Variants in C9orf72 observed in about 807,000 individuals in gnomAD.
C9orf72 encodes guanine nucleotide exchange factor C9orf72.
C9orf72 carries 44 observed loss-of-function variants against 51.6 expected under a neutral mutation model. That is an observed-to-expected ratio of 0.85 (90% confidence interval 0.67 to 1.10). The LOEUF (loss-of-function observed/expected upper bound fraction) is 1.10, where lower values mean the gene tolerates loss of function less well. Among genes scored for constraint, C9orf72 ranks in the 50% least tolerant of loss-of-function variants. The pLI, the probability that C9orf72 is intolerant of heterozygous loss-of-function variation, is 0.00. For synonymous variants in C9orf72, 213 were observed against 194.2 expected, an observed-to-expected ratio of 1.10 and a Z score of -0.81; for missense variants, 607 against 570.6, an observed-to-expected ratio of 1.06 and a Z score of -0.65.
At position 27,547,933 on chromosome 9, in the gene C9orf72, AC is replaced by A. The variant is rs1820803725; in HGVS notation, c.*302del. 2 of 187,204 alleles carry A rather than the reference AC, an allele frequency of 1.1e-5. No individual in the cohort carries two copies. The highest frequency in any genetic ancestry group is 2.3e-5 in the African/African-American group (1 of 42,870). The allele number at this position is 187,204 out of a possible 1,614,324, so 11.6% of individuals were successfully genotyped here. ...ACCATGAATCATGTATTTCAAAAAA[AC>A]AGTAGTTGTGGTCAAGTTTACATCC... On this transcript the variant is annotated 3_prime_UTR_variant, in exon 11 of 11. Transcript: ENST00000380003.
Position 27,547,495 on chromosome 9 carries a change from T to C in C9orf72, c.*741A>G, listed in dbSNP as rs1820792551. On this transcript the variant is annotated 3_prime_UTR_variant, in exon 11 of 11. Coordinates refer to ENST00000380003, the MANE Select transcript of C9orf72 (RefSeq NM_018325.5). Reference sequence around the variant, plus strand: ...AATAATGAAAATTAATTTAAAAAGTTGGCAACAATTACTAAAACATAAAAT... The same window carrying C: ...AATAATGAAAATTAATTTAAAAAGTCGGCAACAATTACTAAAACATAAAAT... The C allele has an allele frequency of 6.6e-6, 1 of 152,650 alleles. No homozygotes were observed. Among genetic ancestry groups the C allele is most frequent in the Non-Finnish European group, 1.5e-5 (1 of 68,028 alleles). 9.5% of individuals were successfully genotyped at this position (152,650 alleles called of 1,614,324 possible). A position where few individuals can be genotyped will look rare whatever the true frequency, so the allele number is the denominator to read the frequency against.
chr9:27,561,806 A>G (rs1005403631), intron 4 of C9orf72, among the ~76,000 whole-genome samples, 157 bp from the exon 5 acceptor site: 3 of 152,154 alleles, frequency 2.0e-5, no homozygotes, highest in Admixed American at 6.6e-5. Flanking sequence ...TCTGTGCACT[A>G]CCATAAACTT....
At chr9:27,555,628 A>AT (rs1299898295) in intron 8 of C9orf72, among the ~76,000 whole-genome samples, 2 of 150,644 alleles carry the variant, frequency 1.3e-5, no homozygotes, top group East Asian at 1.9e-4. Context: ...CTGGCACATC[A>AT]TAACTCCCTG....
At chr9:27,570,431 T>A (rs1819560091) in intron 1 of C9orf72, among the ~76,000 whole-genome samples, 1 of 152,228 alleles carries the variant, frequency 6.6e-6, no homozygotes. Flanking sequence ...TATTTCATCA[T>A]TAAACTGAAA....
At position 27,560,801 on chromosome 9, in the gene C9orf72, C is replaced by G. The variant is rs533995553; in HGVS notation, c.666-502G>C. 6 of 964,224 alleles carry G rather than the reference C, an allele frequency of 6.2e-6. No individual in the cohort carries two copies. The East Asian group carries it at 5.7e-4, about 92-fold the overall frequency. The allele number at this position is 964,224 out of a possible 1,614,324, so 59.7% of individuals were successfully genotyped here. A position where few individuals can be genotyped will look rare whatever the true frequency, so the allele number is the denominator to read the frequency against. ...AAGTGAATACTTTATACTTTTACTT[C>G]TCTTTTATTAAAAGTAAAATTTCAT... On this transcript the variant is annotated intron_variant, in intron 5 of 10. Transcript: ENST00000380003.
At chr9:27,568,867 G>C (rs1819528152) in intron 1 of C9orf72, among the ~76,000 whole-genome samples, 1 of 151,274 alleles carries the variant, frequency 6.6e-6, no homozygotes, top group Non-Finnish European at 1.5e-5. Context: ...ATGTAAAACA[G>C]CCTCAGGCAA....
chr9:27,550,031 C>T (rs897993916), intron 9 of C9orf72, among the ~76,000 whole-genome samples: 15 of 150,392 alleles, frequency 1.0e-4, no homozygotes, highest in African/African-American at 3.4e-4. Flanking sequence ...ATATTACACT[C>T]TATCATAGAG....
At chr9:27,565,639 ACTTG>A (rs1464221127) in intron 2 of C9orf72, 49 bp from the exon 3 acceptor site, 1 of 1,149,676 alleles carries the variant, frequency 8.7e-7, no homozygotes, top group African/African-American at 1.5e-5. Context: ...ACATTTTGAT[ACTTG>A]CTTATTTTTC....
chr9:27,561,810 T>C (rs1293332735), intron 4 of C9orf72, among the ~76,000 whole-genome samples, 161 bp from the exon 5 acceptor site: 6 of 152,130 alleles, frequency 3.9e-5, no homozygotes, highest in African/African-American at 1.4e-4. Context: ...TGCACTACCA[T>C]AAACTTCAGA....
chr9:27,569,075 C>T (rs1309983901), intron 1 of C9orf72, among the ~76,000 whole-genome samples: 1 of 147,650 alleles, frequency 6.8e-6, no homozygotes. Flanking sequence ...ACAAAAACGA[C>T]TAACAAGTAA....
chr9:27,558,538 A>G lies in C9orf72; in HGVS notation c.808T>C (p.Ser270Pro). ...RKCSRLCEAE[S>P]SFKYESGLFV... ...AGCCCTGACTCATATTTAAATGATGATTCTGCTTCACATAACCTGGAGCAT... is the reference window on the plus strand; with the variant it reads ...AGCCCTGACTCATATTTAAATGATGGTTCTGCTTCACATAACCTGGAGCAT... Residue 270 changes from serine to proline, a missense_variant, in exon 7 of 11, where the codon TCA becomes CCA. Physicochemically the swap from Ser to Pro is moderately conservative, Grantham distance 74. Coordinates refer to ENST00000380003, the MANE Select transcript of C9orf72 (RefSeq NM_018325.5). 2.5e-6 allele frequency: 4 copies of G among 1,608,904 alleles called. No homozygotes were observed. The highest frequency in any genetic ancestry group is 3.4e-6 in the Non-Finnish European group (4 of 1,177,848).
At chr9:27,573,306 C>G (rs373830646) in intron 1 of C9orf72, 125 bp downstream of exon 1, 354 of 162,738 alleles carry the variant, frequency 2.2e-3, no homozygotes, top group African/African-American at 8.0e-3. Flanking sequence ...CAGCTTCGGT[C>G]AGAGAAATGA....
intron 9 of C9orf72, among the ~76,000 whole-genome samples, chr9:27,549,457 C>T (rs1425295263): frequency 6.6e-6 from 1 of 152,006 alleles, no homozygotes; most frequent in Non-Finnish European, 1.5e-5. Flanking sequence ...AAATTCCAGG[C>T]CTACGAATTT....
intron 1 of C9orf72, among the ~76,000 whole-genome samples, chr9:27,571,646 G>A (rs567938522): frequency 1.3e-5 from 2 of 152,266 alleles, no homozygotes; most frequent in South Asian, 2.1e-4. Flanking sequence ...TGTAGAGACA[G>A]GGTCTACGTT....
chr9:27,568,086 CAA>C lies in C9orf72; in HGVS notation c.-44-924_-44-923del, dbSNP rs11418499. Among the ~76,000 whole-genome samples the C allele has an allele frequency of 2.9e-3, 235 of 80,600 alleles. 1 individual carries two copies. The highest frequency in any genetic ancestry group is 0.01 in the African/African-American group (208 of 20,096). 52.9% of individuals were successfully genotyped at this position (80,600 alleles called of 152,430 possible). ...AAATACTTTAAAGCCGCTAAAAGGT[CAA>C]AAAAAAAAAAAAAAAAAAAGACATG... On this transcript the variant is annotated intron_variant, in intron 1 of 10. Transcript: ENST00000380003.
At chr9:27,566,350 G>C (rs1819466306) in intron 2 of C9orf72, among the ~76,000 whole-genome samples, 2 of 152,088 alleles carry the variant, frequency 1.3e-5, no homozygotes, top group Admixed American at 6.6e-5. Flanking sequence ...GTAAGCAAAA[G>C]ACAGAATTGT....
chr9:27,558,402 T>A (rs202082885), intron 7 of C9orf72, 89 bp downstream of exon 7: 8 of 764,456 alleles, frequency 1.0e-5, no homozygotes, highest in East Asian at 2.5e-5. Context: ...ATGAGATACA[T>A]TAAATGCTAA....
intron 1 of C9orf72, chr9:27,571,144 C>G (rs1364709589): frequency 2.0e-5 from 3 of 152,174 alleles, no homozygotes; most frequent in African/African-American, 7.2e-5. Flanking sequence ...ACATGTAGTG[C>G]TGTCTACTCC....
chr9:27,547,084 A>G lies in C9orf72; in HGVS notation c.*1152T>C, dbSNP rs1301804677. 1 of 152,620 alleles carries G rather than the reference A, an allele frequency of 6.6e-6. No homozygotes were observed. Among genetic ancestry groups the G allele is most frequent in the Non-Finnish European group, 1.5e-5 (1 of 68,022 alleles). The allele number at this position is 152,620 out of a possible 1,614,324, so 9.5% of individuals were successfully genotyped here. A position where few individuals can be genotyped will look rare whatever the true frequency, so the allele number is the denominator to read the frequency against. On this transcript the variant is annotated 3_prime_UTR_variant, in exon 11 of 11. Coordinates refer to ENST00000380003, the MANE Select transcript of C9orf72 (RefSeq NM_018325.5). ...TTTTATAGCCAGCAAAATGGTCCAA[A>G]CGCATTAAGAAAACAAAAGATAACT...
Sources: gnomAD v4.1 joint callset for allele counts (sites outside exome capture counted in the v4.1 genomes callset) on GRCh38, gnomAD v4.1.1 for gene constraint, MANE v1.5 for transcripts, NCBI Gene and HGNC (gene_info 2026-07-23, HGNC 2026-07-21) for gene names.